VPS33A: variants seen among roughly 807,000 people sequenced by gnomAD.
VPS33A encodes VPS33A core subunit of CORVET and HOPS complexes, also known as vacuolar protein sorting-associated protein 33A.
In VPS33A, 32 loss-of-function variants were observed where a neutral mutation model predicts 71.8. The observed-to-expected ratio is 0.45, with a 90% CI of 0.34 to 0.60. The LOEUF (loss-of-function observed/expected upper bound fraction) is 0.60. Ranked by LOEUF, VPS33A falls within the 20% of genes least tolerant of loss-of-function variation. VPS33A has a pLI of 0.02. For missense variants in VPS33A, 625 were observed against 748.5 expected (o/e 0.84, Z 1.92); for synonymous variants, 311 against 292.7 (o/e 1.06, Z -0.64).
At chr12:122,237,568 G>C (rs1297838940) in intron 10 of VPS33A, among the ~76,000 whole-genome samples, 31 of 129,870 alleles carry the variant, frequency 2.4e-4, no homozygotes, top group African/African-American at 9.2e-4. Context: ...ACGGAGTCTC[G>C]CTCTGTCGCC....
At chr12:122,242,608 A>G in intron 7 of VPS33A, 100 bp from the exon 8 acceptor site, 1 of 1,416,368 alleles carries the variant, frequency 7.1e-7, no homozygotes, top group Non-Finnish European at 9.4e-7. Flanking sequence ...GCTGGAGTGC[A>G]GTGGCGCAAT....
chr12:122,251,824 A>C (rs1203996540), intron 4 of VPS33A, among the ~76,000 whole-genome samples: 1 of 151,906 alleles, frequency 6.6e-6, no homozygotes, highest in Non-Finnish European at 1.5e-5. Flanking sequence ...ACCTAATGTA[A>C]ATGATGAGTT....
In VPS33A at chr12:122,238,594, ATC is replaced by A; in HGVS notation, c.1293_1294del (p.Glu431AspfsTer8). ...ATTTAAAAATATACTCACCTGGAGAATCTCTCTTTTGTAATAATCCAAAACTT... is the reference window on the plus strand; with the variant it reads ...ATTTAAAAATATACTCACCTGGAGAATCTCTTTTGTAATAATCCAAAACTT... On this transcript the variant is annotated frameshift_variant, in exon 10 of 13. Coordinates refer to ENST00000267199, the MANE Select transcript of VPS33A (RefSeq NM_022916.6). LOFTEE classifies it high-confidence loss of function. 1 of 1,604,898 alleles carries A rather than the reference ATC, an allele frequency of 6.2e-7. No individual in the cohort carries two copies. The highest frequency in any genetic ancestry group is 8.5e-7 in the Non-Finnish European group (1 of 1,177,402).
chr12:122,243,165 G>A (rs1954736849), intron 7 of VPS33A, among the ~76,000 whole-genome samples: 1 of 152,032 alleles, frequency 6.6e-6, no homozygotes, highest in African/African-American at 2.4e-5. Context: ...AAAAAACTAA[G>A]ACAAAAAATT....
chr12:122,248,426 G>C (rs748329328), intron 6 of VPS33A: 1 of 152,150 alleles, frequency 6.6e-6, no homozygotes, highest in Admixed American at 6.5e-5. Context: ...AATATTTTTC[G>C]TCATGGCCTA....
Position 122,244,662 on chromosome 12 carries a change from T to C in VPS33A, c.876A>G (p.Ala292=). 1 of 1,614,222 alleles carries C rather than the reference T, an allele frequency of 6.2e-7. No individual in the cohort carries two copies. The highest frequency in any genetic ancestry group is 8.5e-7 in the Non-Finnish European group (1 of 1,180,032). Reference sequence around the variant, plus strand: ...CTCGGATCTCAGCATAGAGCTCCTCTGCAGAATTCAGCTGCAGCTTCTTTG... The same window carrying C: ...CTCGGATCTCAGCATAGAGCTCCTCCGCAGAATTCAGCTGCAGCTTCTTTG... ...TEAKKLQLNS[A]EELYAEIRDK... The change falls in exon 7 of 13, where the codon GCA becomes GCG. Residue 292 remains alanine, a synonymous_variant. Transcript: ENST00000267199.
chr12:122,264,472 C>T (rs1955040626), intron 1 of VPS33A, among the ~76,000 whole-genome samples: 1 of 152,058 alleles, frequency 6.6e-6, no homozygotes, highest in African/African-American at 2.4e-5. Flanking sequence ...CGTACTGCAA[C>T]CTCTGCCTCC....
chr12:122,259,627 G>A (rs1954966386), intron 4 of VPS33A, among the ~76,000 whole-genome samples: 1 of 152,102 alleles, frequency 6.6e-6, no homozygotes, highest in Non-Finnish European at 1.5e-5. Context: ...CCCATCAGGT[G>A]TCCATCAGCT....
At chr12:122,234,120 G>A (rs1382613250) in intron 11 of VPS33A, among the ~76,000 whole-genome samples, 2 of 152,138 alleles carry the variant, frequency 1.3e-5, no homozygotes, top group Non-Finnish European at 2.9e-5. Flanking sequence ...GAGACCAACA[G>A]TAGAGAATAT....
At chr12:122,252,034 G>C (rs1026441880) in intron 4 of VPS33A, among the ~76,000 whole-genome samples, 1 of 152,060 alleles carries the variant, frequency 6.6e-6, no homozygotes, top group African/African-American at 2.4e-5. Flanking sequence ...GAGATAGGAG[G>C]ATTGCTTGAG....
rs542154077 is a variant in VPS33A at position 122,231,823 on chromosome 12, G to A, written c.*423C>T. 3.0e-3 allele frequency: 909 copies of A among 299,130 alleles called. 4 individuals carry two copies. The highest frequency in any genetic ancestry group is 8.3e-3 in the Admixed American group (162 of 19,556). The allele number at this position is 299,130 out of a possible 1,614,324, so 18.5% of individuals were successfully genotyped here. On this transcript the variant is annotated 3_prime_UTR_variant, in exon 13 of 13. Transcript: ENST00000267199. ...TGTAATCCCAGCACTGTGGGAGGCC[G>A]AGGCAGGTGGATCACCTGAGGTCAG...
intron 10 of VPS33A, among the ~76,000 whole-genome samples, chr12:122,236,782 G>A (rs1019732980): frequency 5.9e-5 from 9 of 152,202 alleles, no homozygotes; most frequent in African/African-American, 1.9e-4. Context: ...TCATTTTACA[G>A]AGATGTTTAA....
chr12:122,257,487 C>T (rs985070966), intron 4 of VPS33A, among the ~76,000 whole-genome samples: 8 of 139,330 alleles, frequency 5.7e-5, no homozygotes, highest in Non-Finnish European at 1.1e-4. Context: ...GGCTGGACAA[C>T]ACGGTGAAAC....
At chr12:122,241,366 T>G (rs1393020027) in intron 8 of VPS33A, among the ~76,000 whole-genome samples, 1 of 151,572 alleles carries the variant, frequency 6.6e-6, no homozygotes, top group Non-Finnish European at 1.5e-5. Context: ...AGTGCAGTGG[T>G]GCAATCTTGG....
intron 4 of VPS33A, among the ~76,000 whole-genome samples, chr12:122,252,063 G>A (rs1954852190): frequency 1.3e-5 from 2 of 151,934 alleles, no homozygotes; most frequent in Non-Finnish European, 2.9e-5. Flanking sequence ...TTTGAGACCA[G>A]ACTGGGCAAC....
intron 4 of VPS33A, chr12:122,252,907 T>C (rs1246581009): frequency 6.6e-6 from 1 of 152,226 alleles, no homozygotes; most frequent in Non-Finnish European, 1.5e-5. Context: ...TAGGTTTTTT[T>C]ACAACCATTA....
intron 5 of VPS33A, 82 bp from the exon 6 acceptor site, chr12:122,250,127 C>A: frequency 2.2e-6 from 3 of 1,390,598 alleles, no homozygotes; most frequent in Admixed American, 2.7e-5. Flanking sequence ...GAAAGACAAT[C>A]AAAAAAGTAA....
At chr12:122,238,805 AC>A (rs1954667403) in intron 9 of VPS33A, 81 bp from the exon 10 acceptor site, 33 of 1,101,378 alleles carry the variant, frequency 3.0e-5, no homozygotes, top group South Asian at 2.7e-4. Context: ...ACACACACAC[AC>A]AATACATGGT....
intron 5 of VPS33A, among the ~76,000 whole-genome samples, chr12:122,250,346 G>A (rs1954826478): frequency 1.3e-5 from 2 of 152,216 alleles, no homozygotes; most frequent in Non-Finnish European, 2.9e-5. Flanking sequence ...TGGAACCACT[G>A]TTCCTAGGAG....
Sources: allele counts gnomAD v4.1 joint callset (sites outside exome capture counted in the v4.1 genomes callset), GRCh38; gene constraint gnomAD v4.1.1; transcripts MANE v1.5; gene names NCBI Gene and HGNC (gene_info 2026-07-23, HGNC 2026-07-21).